The following ESR2 variants were observed in gnomAD, a reference collection of about 807,000 sequenced individuals.
The protein encoded by ESR2 is estrogen receptor 2.
A neutral mutation model predicts 49.6 loss-of-function variants in ESR2; 36 were observed. The observed-to-expected ratio is 0.73, with a 90% CI of 0.56 to 0.96. The LOEUF (loss-of-function observed/expected upper bound fraction) is 0.96. Ranked by LOEUF, ESR2 falls within the 40% of genes least tolerant of loss-of-function variation. ESR2 has a pLI of 0.00. For synonymous variants in ESR2, 320 were observed against 266.1 expected, an observed-to-expected ratio of 1.20 and a Z score of -1.97; for missense variants, 714 against 693.0, an observed-to-expected ratio of 1.03 and a Z score of -0.34.
chr14:64,234,525 G>T, intron 8 of ESR2: 1 of 187,592 alleles, frequency 5.3e-6, no homozygotes. Flanking sequence ...TGATGCCACC[G>T]AAAGAACAAC....
intron 6 of ESR2, among the ~76,000 whole-genome samples, chr14:64,253,192 T>C (rs1417621980): frequency 6.6e-6 from 1 of 151,868 alleles, no homozygotes; most frequent in East Asian, 1.9e-4. Context: ...TATTGCTTTT[T>C]ATTTTTTATT....
chr14:64,264,289 C>T (rs1165930679), intron 4 of ESR2, among the ~76,000 whole-genome samples: 1 of 152,126 alleles, frequency 6.6e-6, no homozygotes, highest in Non-Finnish European at 1.5e-5. Context: ...AGAATTTCCT[C>T]TTAACATTGA....
At chr14:64,305,856 G>C (rs1312929709) in intron 1 of ESR2, among the ~76,000 whole-genome samples, 1 of 152,124 alleles carries the variant, frequency 6.6e-6, no homozygotes, top group African/African-American at 2.4e-5. Context: ...CTCAGCTTCT[G>C]TGCATAGCAA....
chr14:64,310,466 C>T (rs916366287), intron 1 of ESR2, among the ~76,000 whole-genome samples: 3 of 150,588 alleles, frequency 2.0e-5, no homozygotes, highest in Non-Finnish European at 3.0e-5. Context: ...CAAAAAATGC[C>T]GGAGAACTTT....
intron 1 of ESR2, among the ~76,000 whole-genome samples, chr14:64,334,521 T>C (rs1358015307): frequency 6.6e-6 from 1 of 152,226 alleles, no homozygotes; most frequent in African/African-American, 2.4e-5. Context: ...AAGGAATTCA[T>C]GACCTATTGA....
chr14:64,249,040 T>C (rs1457359416), intron 7 of ESR2, among the ~76,000 whole-genome samples: 3 of 152,188 alleles, frequency 2.0e-5, no homozygotes, highest in Admixed American at 1.3e-4. Flanking sequence ...CCAGCATCTC[T>C]CCTCCTATTT....
intron 1 of ESR2, among the ~76,000 whole-genome samples, chr14:64,306,813 T>C (rs183373838): frequency 7.4e-4 from 112 of 152,332 alleles, no homozygotes; most frequent in African/African-American, 2.6e-3. Context: ...AAGTATTCCA[T>C]TGGCTTCCAT....
chr14:64,266,541 A>T (rs965563060), intron 4 of ESR2, among the ~76,000 whole-genome samples: 5 of 152,232 alleles, frequency 3.3e-5, no homozygotes, highest in African/African-American at 1.2e-4. Context: ...CTTGGAAATC[A>T]TTTTTTAAAC....
intron 6 of ESR2, among the ~76,000 whole-genome samples, chr14:64,256,731 A>G (rs1413203431): frequency 6.6e-6 from 1 of 151,814 alleles, no homozygotes; most frequent in Non-Finnish European, 1.5e-5. Context: ...TCCATCTCAG[A>G]AAAAAAACAA....
rs558365168 is a variant in ESR2 at position 64,285,502 on chromosome 14, G to A, written c.-90-2427C>T. Among the ~76,000 whole-genome samples, 6 of 152,168 alleles carry A rather than the reference G, an allele frequency of 3.9e-5. No individual in the cohort carries two copies. In the East Asian group the frequency reaches 1.2e-3, roughly 29 times the overall value. On this transcript the variant is annotated intron_variant, in intron 1 of 8. Transcript: ENST00000341099. ...CATACAAACCTAATCCTGCTTATCA[G>A]AACTACCTTGAACCCTTCTTCAAAA...
intron 6 of ESR2, among the ~76,000 whole-genome samples, chr14:64,256,363 G>A (rs2076095193): frequency 6.6e-6 from 1 of 152,186 alleles, no homozygotes; most frequent in African/African-American, 2.4e-5. Flanking sequence ...TTTCTGTTAA[G>A]TTTCATATAG....
In ESR2 at chr14:64,233,182, C is replaced by T. The variant is rs150646898; in HGVS notation, c.1548G>A (p.Glu516=). 9.9e-5 allele frequency: 160 copies of T among 1,614,138 alleles called. No homozygotes were observed. In the African/African-American group the frequency reaches 1.9e-3, roughly 19 times the overall value. Residue 516 remains glutamate (E), a synonymous_variant, in exon 9 of 9, where the codon GAG becomes GAA. Coordinates refer to ENST00000341099, the MANE Select transcript of ESR2 (RefSeq NM_001437.3). ...SITGSECSPA[E]DSKSKEGSQN... The stretch of plus-strand genomic sequence containing the variant: ...GGGAGCCCTCTTTGCTTTTACTGTC[C>T]TCTGCCGGGCTGCACTCGGACCCCG...
At chr14:64,244,399 CAAA>C (rs34288779) in intron 7 of ESR2, among the ~76,000 whole-genome samples, 7 of 127,818 alleles carry the variant, frequency 5.5e-5, no homozygotes, top group Admixed American at 8.2e-5. Flanking sequence ...GACTTCATCT[CAAA>C]AAAAAAAAAA....
At chr14:64,233,509 G>C in intron 8 of ESR2, 186 bp from the exon 9 acceptor site, 2 of 583,762 alleles carry the variant, frequency 3.4e-6, no homozygotes, top group South Asian at 2.3e-5. Flanking sequence ...GGGCAAGGAC[G>C]ATGTCTTGTC....
chr14:64,297,314 C>G (rs2076969609), upstream of ESR2, among the ~76,000 whole-genome samples: 1 of 152,140 alleles, frequency 6.6e-6, no homozygotes, highest in African/African-American at 2.4e-5. Context: ...CTAGATGTCA[C>G]CTGGGAAAGC....
At chr14:64,305,497 C>A (rs1000029350) in intron 1 of ESR2, among the ~76,000 whole-genome samples, 1 of 151,296 alleles carries the variant, frequency 6.6e-6, no homozygotes, top group Non-Finnish European at 1.5e-5. Flanking sequence ...AGTGAAACCC[C>A]ATCTCTACTA....
intron 4 of ESR2, among the ~76,000 whole-genome samples, chr14:64,264,516 G>T (rs1345620385): frequency 2.6e-5 from 4 of 152,112 alleles, no homozygotes; most frequent in Non-Finnish European, 4.4e-5. Flanking sequence ...AGAACATGCA[G>T]GTTTGTTACA....
chr14:64,315,676 G>A (rs2077245842), intron 1 of ESR2, among the ~76,000 whole-genome samples: 1 of 142,818 alleles, frequency 7.0e-6, no homozygotes, highest in African/African-American at 2.6e-5. Context: ...TTTTTTTTGA[G>A]ATGGAGTCTT....
At chr14:64,296,578 C>T (rs1355310284), upstream of ESR2, among the ~76,000 whole-genome samples, 1 of 152,192 alleles carries the variant, frequency 6.6e-6, no homozygotes, top group African/African-American at 2.4e-5. Flanking sequence ...AGGCCAAGGA[C>T]CCATTTACCT....
Sources: allele counts gnomAD v4.1 joint callset (sites outside exome capture counted in the v4.1 genomes callset), GRCh38; gene constraint gnomAD v4.1.1; transcripts MANE v1.5; gene names NCBI Gene and HGNC (gene_info 2026-07-23, HGNC 2026-07-21).